MYO3B: variants seen among roughly 807,000 people sequenced by gnomAD.
MYO3B encodes the protein myosin-IIIb.
A neutral mutation model predicts 174.6 loss-of-function variants in MYO3B; 156 were observed. The ratio of observed to expected loss-of-function variants is 0.89; its 90% CI spans 0.78 to 1.02. The LOEUF (loss-of-function observed/expected upper bound fraction) is 1.02, where lower values mean the gene tolerates loss of function less well. Among genes scored for constraint, MYO3B ranks in the 50% least tolerant of loss-of-function variants. MYO3B has a pLI of 0.00. For missense variants in MYO3B, 1,632 were observed against 1,639.4 expected (o/e 1.00, Z 0.08); for synonymous variants, 563 against 569.1 (o/e 0.99, Z 0.15).
At chr2:170,265,135 C>G (rs1276784748) in intron 7 of MYO3B, among the ~76,000 whole-genome samples, 1 of 152,196 alleles carries the variant, frequency 6.6e-6, no homozygotes. Flanking sequence ...TTTACTGAAA[C>G]TGTTCTTACC....
At chr2:170,407,601 T>TATGAAAGCTAG in intron 21 of MYO3B, 114 bp from the exon 22 acceptor site, 1 of 1,190,194 alleles carries the variant, frequency 8.4e-7, no homozygotes, top group Non-Finnish European at 1.2e-6. Context: ...ATGAAAGCTA[T>TATGAAAGCTAG]GTAAAGATGA....
chr2:170,318,204 TAG>T (rs2093789376), intron 7 of MYO3B, among the ~76,000 whole-genome samples: 1 of 152,094 alleles, frequency 6.6e-6, no homozygotes, highest in African/African-American at 2.4e-5. Flanking sequence ...GTTTGGAGAG[TAG>T]AGAGAGAGCA....
At chr2:170,482,983 G>T (rs1685793433) in intron 25 of MYO3B, among the ~76,000 whole-genome samples, 1 of 152,258 alleles carries the variant, frequency 6.6e-6, no homozygotes, top group African/African-American at 2.4e-5. Context: ...TTTAAGCCCT[G>T]CCTTTTTCAT....
At chr2:170,249,028 T>A (rs991962236) in intron 7 of MYO3B, among the ~76,000 whole-genome samples, 11 of 152,374 alleles carry the variant, frequency 7.2e-5, no homozygotes, top group African/African-American at 2.6e-4. Flanking sequence ...AGTTCTTCTT[T>A]GGCCACGTTT....
chr2:170,226,200 T>C (rs2092950399), intron 6 of MYO3B, among the ~76,000 whole-genome samples: 1 of 152,194 alleles, frequency 6.6e-6, no homozygotes, highest in Admixed American at 6.5e-5. Flanking sequence ...CTGCCGGTCA[T>C]ATCACTGTGA....
chr2:170,288,656 G>T (rs997538625), intron 7 of MYO3B, among the ~76,000 whole-genome samples: 1 of 151,924 alleles, frequency 6.6e-6, no homozygotes. Flanking sequence ...AAATCATGTG[G>T]TCTACAAACA....
chr2:170,555,596 G>A (rs1414476336), intron 32 of MYO3B, among the ~76,000 whole-genome samples: 1 of 152,140 alleles, frequency 6.6e-6, no homozygotes, highest in East Asian at 1.9e-4. Flanking sequence ...AAGAGGCCAG[G>A]TGTGGTGGTT....
chr2:170,399,278 G>T (rs2094460467), intron 16 of MYO3B, among the ~76,000 whole-genome samples: 1 of 99,094 alleles, frequency 1.0e-5, no homozygotes. Flanking sequence ...AGAGAGACCA[G>T]TCTGGCCAAC....
intron 7 of MYO3B, among the ~76,000 whole-genome samples, chr2:170,308,221 G>A (rs1399571573): frequency 1.3e-5 from 2 of 152,196 alleles, no homozygotes; most frequent in African/African-American, 4.8e-5. Context: ...TGAGAAAAAC[G>A]TGAATGTTCT....
At chr2:170,287,280 T>C (rs1054100757) in intron 7 of MYO3B, among the ~76,000 whole-genome samples, 1 of 152,176 alleles carries the variant, frequency 6.6e-6, no homozygotes, top group Non-Finnish European at 1.5e-5. Context: ...TAGTTCTACT[T>C]TTAGTTTTTT....
chr2:170,416,818 G>GTT lies in MYO3B; in HGVS notation c.2650+8996_2650+8997dup, dbSNP rs552594236. ...CTTTCCCCAGATCTTTTTTTCTGTT[G>GTT]TTTTTTTTTTTTTTTTTTTTTTTGA... On this transcript the variant is annotated intron_variant, in intron 22 of 34. Transcript: ENST00000408978. Among the ~76,000 whole-genome samples the GTT allele has an allele frequency of 5.5e-4, 64 of 116,110 alleles. 1 individual carries two copies. Among genetic ancestry groups the GTT allele is most frequent in the African/African-American group, 1.5e-3 (46 of 29,894 alleles). 76.2% of individuals were successfully genotyped at this position (116,110 alleles called of 152,430 possible).
intron 32 of MYO3B, among the ~76,000 whole-genome samples, chr2:170,547,163 CAA>C (rs55824079): frequency 0.6 from 77,123 of 127,760 alleles, 22,773 homozygotes; most frequent in Non-Finnish European, 0.71. Flanking sequence ...ACTAAAAATA[CAA>C]AAAAAAAAAA....
intron 32 of MYO3B, among the ~76,000 whole-genome samples, chr2:170,595,521 C>T (rs369408179): frequency 1.2e-4 from 19 of 152,234 alleles, no homozygotes; most frequent in African/African-American, 4.1e-4. Flanking sequence ...TCACTGCAGC[C>T]TTGAACCCCC....
At chr2:170,433,666 C>T (rs2094728968) in intron 22 of MYO3B, among the ~76,000 whole-genome samples, 1 of 152,174 alleles carries the variant, frequency 6.6e-6, no homozygotes, top group Non-Finnish European at 1.5e-5. Context: ...TAAGCATGAG[C>T]CTCTTCTTTT....
At position 170,214,468 on chromosome 2, in the gene MYO3B, G is replaced by T; in HGVS notation, c.411G>T (p.Leu137Phe). ...RLDEAMISYI[L>F]YGALLGLQHL... ...ATGAAGCAATGATCTCATACATCTT[G>T]TACGGGGCCCTCTTGGTAAGAACAT... is the stretch of plus-strand genomic sequence containing the variant. Residue 137 changes from leucine (L) to phenylalanine (F), a missense_variant, in exon 4 of 35, where the codon TTG becomes TTT. Physicochemically the swap from Leu to Phe is conservative, Grantham distance 22. Coordinates refer to ENST00000408978, the MANE Select transcript of MYO3B (RefSeq NM_138995.5). 1 of 1,614,136 alleles carries T rather than the reference G, an allele frequency of 6.2e-7. No homozygotes were observed. Among genetic ancestry groups the T allele is most frequent in the Non-Finnish European group, 8.5e-7 (1 of 1,179,994 alleles).
chr2:170,506,614 A>G (rs1362779441), intron 28 of MYO3B, among the ~76,000 whole-genome samples: 3 of 152,204 alleles, frequency 2.0e-5, no homozygotes, highest in Admixed American at 2.0e-4. Context: ...GCTTTCCCTC[A>G]AAGGGATGCT....
intron 25 of MYO3B, among the ~76,000 whole-genome samples, chr2:170,477,276 G>T (rs1487024774): frequency 6.6e-6 from 1 of 152,076 alleles, no homozygotes; most frequent in African/African-American, 2.4e-5. Context: ...CCCCAGTCCA[G>T]GCACCTTCTC....
intron 25 of MYO3B, among the ~76,000 whole-genome samples, chr2:170,488,253 A>G (rs1686197753): frequency 6.6e-6 from 1 of 152,038 alleles, no homozygotes; most frequent in South Asian, 2.1e-4. Flanking sequence ...TTCAAAGATT[A>G]TAAGTAGAAA....
At chr2:170,356,930 A>G (rs2094126371) in intron 8 of MYO3B, among the ~76,000 whole-genome samples, 1 of 151,942 alleles carries the variant, frequency 6.6e-6, no homozygotes, top group South Asian at 2.1e-4. Flanking sequence ...GGTATGCACC[A>G]CCACGGCCCC....
Sources: gnomAD v4.1 joint callset for allele counts (sites outside exome capture counted in the v4.1 genomes callset) on GRCh38, gnomAD v4.1.1 for gene constraint, MANE v1.5 for transcripts, NCBI Gene and HGNC (gene_info 2026-07-23, HGNC 2026-07-21) for gene names.